DRG1: variants seen among roughly 807,000 people sequenced by gnomAD.
DRG1 encodes the protein developmentally-regulated GTP-binding protein 1.
In DRG1, 19 loss-of-function variants were observed where a neutral mutation model predicts 38.8. That is an observed-to-expected ratio of 0.49 (90% CI 0.34 to 0.72). DRG1 has a LOEUF of 0.72. Ranked by LOEUF, DRG1 falls within the 30% of genes least tolerant of loss-of-function variation. DRG1 has a pLI of 0.01. For synonymous variants in DRG1, 167 were observed against 157.5 expected (o/e 1.06, Z -0.45); for missense variants, 299 against 444.8 (o/e 0.67, Z 2.95).
At position 31,433,914 on chromosome 22, in the gene DRG1, A is replaced by G. The variant is rs1375626286; in HGVS notation, c.1047A>G (p.Lys349=). Residue 349 remains lysine (K), a synonymous_variant, in exon 9 of 9, where the codon AAA becomes AAG. Coordinates refer to ENST00000331457, the MANE Select transcript of DRG1 (RefSeq NM_004147.4). The part of the protein sequence containing the change: ...WGLSVKHNPQ[K]VGKDHTLEDE... ...TCTCTGTGAAACACAATCCTCAGAA[A>G]GTGGGTAAAGACCATACGTTGGAGG... 1 of 1,614,160 alleles carries G rather than the reference A, an allele frequency of 6.2e-7. No homozygotes were observed. The highest frequency in any genetic ancestry group is 1.1e-5 in the South Asian group (1 of 91,088).
At position 31,399,936 on chromosome 22, in the gene DRG1, C is replaced by G. The variant is rs2273252; in HGVS notation, c.42+211C>G. ...CCCCTTTCCCCTCGTCCCGCGTCTACGCTCTCGGACTCCCCTTTGCCCGGG... is the reference window on the plus strand; with the variant it reads ...CCCCTTTCCCCTCGTCCCGCGTCTAGGCTCTCGGACTCCCCTTTGCCCGGG... On this transcript the variant is annotated intron_variant, in intron 1 of 8. Transcript: ENST00000331457. 0.031 allele frequency among the ~76,000 whole-genome samples: 4,672 copies of G among 152,204 alleles called. 408 individuals are homozygous for G. In the East Asian group the frequency reaches 0.34, roughly 11 times the overall value.
intron 3 of DRG1, among the ~76,000 whole-genome samples, chr22:31,406,730 C>G (rs957127499): frequency 6.6e-6 from 1 of 152,002 alleles, no homozygotes; most frequent in Non-Finnish European, 1.5e-5. Flanking sequence ...TATCACTTGC[C>G]TGCTTCTCCT....
chr22:31,419,973 G>T (rs2050067142), intron 4 of DRG1, among the ~76,000 whole-genome samples: 1 of 152,112 alleles, frequency 6.6e-6, no homozygotes, highest in South Asian at 2.1e-4. Flanking sequence ...AACCCGGGAG[G>T]CAGAGGTTGC....
In DRG1 at chr22:31,427,088, G is replaced by T. The variant is rs2050115088; in HGVS notation, c.910G>T (p.Asp304Tyr). 1 of 1,613,920 alleles carries T rather than the reference G, an allele frequency of 6.2e-7. No individual in the cohort carries two copies. The highest frequency in any genetic ancestry group is 1.3e-5 in the African/African-American group (1 of 74,918). ...IYTKPKGQLP[D>Y]YTSPVVLPYS... ...CACCAAACCCAAAGGCCAGTTACCA[G>T]ATTACACATCCCCAGTGGTGCTTCC... Residue 304 changes from aspartate to tyrosine, a missense_variant, in exon 8 of 9, where the codon GAT becomes TAT. By Grantham distance (160) the Asp-to-Tyr change is radical. Transcript: ENST00000331457.
chr22:31,413,147 T>A (rs536893658), intron 4 of DRG1, among the ~76,000 whole-genome samples: 1 of 152,218 alleles, frequency 6.6e-6, no homozygotes, highest in East Asian at 1.9e-4. Flanking sequence ...CAGGCTGGAG[T>A]GCAGCGGCCT....
chr22:31,419,191 A>T (rs2050061688), intron 4 of DRG1, among the ~76,000 whole-genome samples: 1 of 152,092 alleles, frequency 6.6e-6, no homozygotes, highest in Non-Finnish European at 1.5e-5. Flanking sequence ...CAGTCTCGGC[A>T]GTTTGGGAGA....
At chr22:31,400,556 T>A in intron 1 of DRG1, 64 bp from the exon 2 acceptor site, 2 of 1,583,644 alleles carry the variant, frequency 1.3e-6, no homozygotes, top group Non-Finnish European at 1.7e-6. Context: ...AAAAAAATTA[T>A]CCTCTCAAAG....
chr22:31,408,806 A>G (rs1236628765), intron 3 of DRG1, among the ~76,000 whole-genome samples: 2 of 150,402 alleles, frequency 1.3e-5, no homozygotes. Flanking sequence ...AATAAGCTGC[A>G]TCTGTTTTCA....
intron 8 of DRG1, among the ~76,000 whole-genome samples, chr22:31,430,208 T>C (rs1006058066): frequency 2.0e-5 from 3 of 152,184 alleles, no homozygotes; most frequent in South Asian, 2.1e-4. Context: ...TAGGTTATCA[T>C]TGCCTGTAGG....
At chr22:31,402,490 A>G (rs1408003962) in intron 2 of DRG1, among the ~76,000 whole-genome samples, 1 of 141,198 alleles carries the variant, frequency 7.1e-6, no homozygotes, top group Non-Finnish European at 1.5e-5. Flanking sequence ...TTTCATACAT[A>G]TATTTGGGCT....
At chr22:31,413,609 GT>G (rs35654476) in intron 4 of DRG1, among the ~76,000 whole-genome samples, 57 of 60,482 alleles carry the variant, frequency 9.4e-4, no homozygotes, top group African/African-American at 2.4e-3. Flanking sequence ...CCTATTGTGG[GT>G]TTTTTTTTTT....
At chr22:31,408,153 T>TTTTG (rs1351620386) in intron 3 of DRG1, among the ~76,000 whole-genome samples, 1 of 132,096 alleles carries the variant, frequency 7.6e-6, no homozygotes, top group Non-Finnish European at 1.6e-5. Flanking sequence ...TTTTTTTTTT[T>TTTTG]TTTGAGATAG....
chr22:31,425,440 C>CT (rs34249543), intron 6 of DRG1, among the ~76,000 whole-genome samples: 2,458 of 137,190 alleles, frequency 0.018, 17 homozygotes, highest in Middle Eastern at 0.028. Context: ...TGATACATTA[C>CT]TTTTTTTTTT....
At chr22:31,416,717 A>G (rs1359975163) in intron 4 of DRG1, among the ~76,000 whole-genome samples, 1 of 152,136 alleles carries the variant, frequency 6.6e-6, no homozygotes, top group African/African-American at 2.4e-5. Flanking sequence ...ATCCTGGCCA[A>G]CATGGTGAAA....
intron 5 of DRG1, among the ~76,000 whole-genome samples, chr22:31,421,148 T>A (rs2050074616): frequency 6.6e-6 from 1 of 152,086 alleles, no homozygotes; most frequent in Non-Finnish European, 1.5e-5. Context: ...GGTTTCATTC[T>A]GTTGCTTAGG....
chr22:31,423,205 A>C (rs2050086428), intron 5 of DRG1, 75 bp from the exon 6 acceptor site: 2 of 1,571,202 alleles, frequency 1.3e-6, no homozygotes, highest in Non-Finnish European at 1.7e-6. Flanking sequence ...TTTTCCAGGT[A>C]CATGGATATT....
intron 4 of DRG1, among the ~76,000 whole-genome samples, chr22:31,411,696 A>ATT (rs58050898): frequency 2.1e-5 from 3 of 143,128 alleles, no homozygotes; most frequent in East Asian, 2.0e-4. Flanking sequence ...TGCCTGGCTA[A>ATT]TTTTTTTTTT....
intron 3 of DRG1, 68 bp downstream of exon 3, chr22:31,403,272 A>C: frequency 1.3e-6 from 2 of 1,485,974 alleles, no homozygotes; most frequent in Non-Finnish European, 9.0e-7. Context: ...GTTTATTGGG[A>C]GCTCACTGTA....
At chr22:31,420,484 TG>T in intron 5 of DRG1, 59 bp downstream of exon 5, 8 of 1,599,288 alleles carry the variant, frequency 5.0e-6, no homozygotes. Context: ...GGGAGTGGAT[TG>T]GGGTGCATGG....
Sources: allele counts gnomAD v4.1 joint callset (sites outside exome capture counted in the v4.1 genomes callset), GRCh38; gene constraint gnomAD v4.1.1; transcripts MANE v1.5; gene names NCBI Gene and HGNC (gene_info 2026-07-23, HGNC 2026-07-21).